JAK2: variants seen among roughly 807,000 people sequenced by gnomAD.
The protein encoded by JAK2 is Janus kinase 2, also known as tyrosine-protein kinase JAK2.
JAK2 carries 86 observed loss-of-function variants against 139.3 expected under a neutral mutation model. That is an observed-to-expected ratio of 0.62 (90% confidence interval 0.52 to 0.74). JAK2 has a LOEUF of 0.74. Ranked by LOEUF, JAK2 falls within the 30% of genes least tolerant of loss-of-function variation. JAK2 has a pLI of 0.00. For synonymous variants in JAK2, 490 were observed against 437.7 expected, an observed-to-expected ratio of 1.12 and a Z score of -1.49; for missense variants, 1,421 against 1,360.3, an observed-to-expected ratio of 1.04 and a Z score of -0.70.
In JAK2 at chr9:4,999,606, T is replaced by G. The variant is rs1431708158; in HGVS notation, c.-26+13584T>G. Among the ~76,000 whole-genome samples the G allele has an allele frequency of 2.6e-5, 4 of 152,200 alleles. No individual in the cohort carries two copies. The South Asian group carries it at 8.3e-4, about 32-fold the overall frequency. ...TCCCACAATAGGCTGTCTGCAAGCTTGAGGAGCAAGGAGAGCCAGTTCAAG... is the reference window on the plus strand; with the variant it reads ...TCCCACAATAGGCTGTCTGCAAGCTGGAGGAGCAAGGAGAGCCAGTTCAAG... On this transcript the variant is annotated intron_variant, in intron 2 of 24. Coordinates refer to ENST00000381652, the MANE Select transcript of JAK2 (RefSeq NM_004972.4).
intron 4 of JAK2, chr9:5,041,384 C>T: frequency 1.6e-6 from 1 of 627,224 alleles, no homozygotes. Context: ...GGGCAAGGAG[C>T]AGAGCCACTG....
intron 4 of JAK2, chr9:5,041,162 T>G (rs942481828): frequency 1.2e-5 from 14 of 1,203,746 alleles, no homozygotes; most frequent in Non-Finnish European, 1.6e-5. Context: ...GCGCATGGAT[T>G]ATGTGCACAC....
rs1392188407 is a variant in JAK2, at chr9:4,985,417, G to A, written c.-322G>A. The A allele has an allele frequency of 6.6e-6, 1 of 152,522 alleles. No individual in the cohort carries two copies. The highest frequency in any genetic ancestry group is 2.1e-4 in the South Asian group (1 of 4,842). 9.4% of individuals were successfully genotyped at this position (152,522 alleles called of 1,614,324 possible). ...GGCCCGGGCTTGCGGCGCGCGTCGGGGCTGAGGGCTGCTGCGGCGCAGGGA... is the reference window on the plus strand; with the variant it reads ...GGCCCGGGCTTGCGGCGCGCGTCGGAGCTGAGGGCTGCTGCGGCGCAGGGA... On this transcript the variant is annotated 5_prime_UTR_variant, in exon 1 of 25. Transcript: ENST00000381652.
At chr9:5,063,018 C>A (rs145945269) in intron 8 of JAK2, among the ~76,000 whole-genome samples, 1 of 151,616 alleles carries the variant, frequency 6.6e-6, no homozygotes, top group Non-Finnish European at 1.5e-5. Flanking sequence ...TTTAGGATAC[C>A]TTTTATAGTA....
chr9:5,087,281 A>ATGAG (rs1437768747), intron 19 of JAK2, among the ~76,000 whole-genome samples: 7 of 152,336 alleles, frequency 4.6e-5, no homozygotes, highest in African/African-American at 1.7e-4. Flanking sequence ...AGGAGAGAGA[A>ATGAG]TGAGTGCCAG....
intron 22 of JAK2, among the ~76,000 whole-genome samples, chr9:5,107,338 G>A (rs1822045381): frequency 6.6e-6 from 1 of 151,906 alleles, no homozygotes; most frequent in Non-Finnish European, 1.5e-5. Context: ...CCCCTATGAA[G>A]GCAGATTTGA....
intron 5 of JAK2, among the ~76,000 whole-genome samples, chr9:5,045,375 G>C (rs578162797): frequency 6.6e-6 from 1 of 152,074 alleles, no homozygotes. Context: ...TCTCTATTGG[G>C]GTATGAGACC....
intron 22 of JAK2, among the ~76,000 whole-genome samples, chr9:5,092,928 C>T (rs1284076521): frequency 1.3e-5 from 2 of 152,152 alleles, no homozygotes; most frequent in Admixed American, 6.6e-5. Context: ...AACCAACCTT[C>T]CTACAGAGAG....
chr9:5,003,592 A>T (rs573045881), intron 2 of JAK2, among the ~76,000 whole-genome samples: 5 of 152,144 alleles, frequency 3.3e-5, no homozygotes, highest in African/African-American at 1.2e-4. Flanking sequence ...TGCTAAATTC[A>T]CTCAGTGATT....
At chr9:5,048,635 T>C (rs1817199087) in intron 5 of JAK2, among the ~76,000 whole-genome samples, 5 of 152,240 alleles carry the variant, frequency 3.3e-5, no homozygotes, top group Admixed American at 3.3e-4. Flanking sequence ...GCCTTTGTTT[T>C]GGGTGATACT....
chr9:5,009,179 G>A (rs1821519317), intron 2 of JAK2, among the ~76,000 whole-genome samples: 1 of 152,216 alleles, frequency 6.6e-6, no homozygotes, highest in South Asian at 2.1e-4. Context: ...TGAGCAAATT[G>A]GGTGGTCCGA....
chr9:5,113,904 TGG>T, intron 22 of JAK2: 1 of 226,176 alleles, frequency 4.4e-6, no homozygotes. Flanking sequence ...CCTCCTGTGA[TGG>T]CAGTGGACAC....
rs1288467756 is a variant in JAK2 at position 5,128,457 on chromosome 9, C to G, written c.*1666C>G. Among the ~76,000 whole-genome samples the G allele has an allele frequency of 2.0e-5, 3 of 151,800 alleles. No homozygotes were observed. Among genetic ancestry groups the G allele is most frequent in the Admixed American group, 1.3e-4 (2 of 15,238 alleles). The stretch of plus-strand genomic sequence containing the variant: ...CACAGTAAGGAGATCTTCCATTTTA[C>G]TACCTTTCAAGTGAAAAATAGCCTA... On this transcript the variant is annotated 3_prime_UTR_variant, in exon 25 of 25. Transcript: ENST00000381652.
chr9:5,088,366 A>G (rs187957637), intron 19 of JAK2, among the ~76,000 whole-genome samples: 150 of 152,342 alleles, frequency 9.8e-4, no homozygotes, highest in Non-Finnish European at 1.5e-3. Flanking sequence ...GTCACTTAGA[A>G]TCTTGTAACT....
intron 3 of JAK2, among the ~76,000 whole-genome samples, chr9:5,028,090 C>A (rs919242216): frequency 3.3e-5 from 5 of 152,158 alleles, no homozygotes; most frequent in African/African-American, 1.2e-4. Flanking sequence ...TTGCTTAGAT[C>A]TGTGAGAGGA....
At chr9:5,085,840 C>A in intron 19 of JAK2, 1 of 763,786 alleles carries the variant, frequency 1.3e-6, no homozygotes, top group Non-Finnish European at 2.4e-6. Context: ...TTTCCTTTTA[C>A]ATCAAAGTAG....
chr9:5,080,955 GC>G (rs1415376117), intron 18 of JAK2, among the ~76,000 whole-genome samples: 24 of 145,240 alleles, frequency 1.7e-4, no homozygotes, highest in Admixed American at 1.2e-3. Flanking sequence ...GAGTGCAGTG[GC>G]GCGATCTCGG....
chr9:5,090,755 G>C lies in JAK2; in HGVS notation c.2903G>C (p.Gly968Ala). Residue 968 changes from glycine to alanine, a missense_variant, in exon 22 of 25, where the codon GGT (glycine) becomes GCT (alanine). Coordinates refer to ENST00000381652, the MANE Select transcript of JAK2 (RefSeq NM_004972.4). ...TATCCATAGGGTATGGAGTATCTTG[G>C]TACAAAAAGGTATATCCACAGGGAT... ...SQICKGMEYL[G>A]TKRYIHRDLA... 6.2e-7 allele frequency: 1 copy of C among 1,603,666 alleles called. No homozygotes were observed. Among genetic ancestry groups the C allele is most frequent in the South Asian group, 1.1e-5 (1 of 88,200 alleles).
chr9:5,071,183 GA>G (rs1342380260), intron 12 of JAK2, among the ~76,000 whole-genome samples: 1 of 152,044 alleles, frequency 6.6e-6, no homozygotes. Flanking sequence ...GTGCTTGGAA[GA>G]AACAAAAAAA....
Sources: gnomAD v4.1 joint callset for allele counts (sites outside exome capture counted in the v4.1 genomes callset) on GRCh38, gnomAD v4.1.1 for gene constraint, MANE v1.5 for transcripts, NCBI Gene and HGNC (gene_info 2026-07-23, HGNC 2026-07-21) for gene names.